Variants in RLIM observed in about 807,000 individuals in gnomAD.
RLIM encodes the protein ring finger protein, LIM domain interacting, also known as E3 ubiquitin-protein ligase RLIM.
RLIM carries 2 observed loss-of-function variants against 34.0 expected under a neutral mutation model. The ratio of observed to expected loss-of-function variants is 0.06; its 90% CI spans 0.02 to 0.19. The LOEUF is 0.19. Among genes scored for constraint, RLIM ranks in the 10% least tolerant of loss-of-function variants. The pLI, the probability that RLIM is intolerant of heterozygous loss-of-function variation, is 1.00. For synonymous variants in RLIM, 169 were observed against 164.0 expected (o/e 1.03, Z -0.23); for missense variants, 286 against 479.7 (o/e 0.60, Z 3.77).
chrX:74,592,728 G>T lies in RLIM; in HGVS notation c.587C>A (p.Thr196Asn). 8.3e-7 allele frequency: 1 copy of T among 1,211,739 alleles called. No individual in the cohort carries two copies. Among genetic ancestry groups the T allele is most frequent in the Non-Finnish European group, 1.1e-6 (1 of 895,552 alleles). The change falls in exon 4 of 4, where the codon ACT (threonine) becomes AAT (asparagine). Residue 196 changes from threonine to asparagine, a missense_variant. Physicochemically the swap from Thr to Asn is moderately conservative, Grantham distance 65. Around this residue, in one of 6 missense-constraint regions of RLIM, gnomAD observed 121 missense variants for 182.4 expected, o/e 0.66. Coordinates refer to ENST00000332687, the MANE Select transcript of RLIM (RefSeq NM_016120.4). ...ARPSRSERNS[T>N]EALTEVPPTR... ...AGGTGGGACCTCTGTTAACGCTTCAGTTGAATTTCGTTCTGATCTAGATGG... is the reference window on the plus strand; with the variant it reads ...AGGTGGGACCTCTGTTAACGCTTCATTTGAATTTCGTTCTGATCTAGATGG...
chrX:74,614,123 T>A (rs2079725631), intron 1 of RLIM, among the ~76,000 whole-genome samples: 1 of 109,236 alleles, frequency 9.2e-6, no homozygotes, highest in African/African-American at 3.3e-5. Flanking sequence ...AAAAACTGCC[T>A]CCCCCGATTT....
At position 74,587,216 on chromosome X, in the gene RLIM, C is replaced by G. The variant is rs1476194434; in HGVS notation, c.*4224G>C. The G allele has an allele frequency of 8.9e-6, 1 of 111,960 alleles. No individual in the cohort carries two copies. Among genetic ancestry groups the G allele is most frequent in the African/African-American group, 3.2e-5 (1 of 30,848 alleles). The allele number at this position is 111,960 out of a possible 1,213,427, so 9.2% of individuals were successfully genotyped here. On this transcript the variant is annotated 3_prime_UTR_variant, in exon 4 of 4. Transcript: ENST00000332687. ...TGTTTTTTCAAAAGCACACAATTTA[C>G]TAGTTAACTCAATGAATTACAATAC...
Position 74,590,113 on chromosome X carries a change from AC to A in RLIM, c.*1326del. ...GTACCTTAAATGACAAATCTCAAAA[AC>A]AACACAAATTCGAGACTTTCCTATT... On this transcript the variant is annotated 3_prime_UTR_variant, in exon 4 of 4. Transcript: ENST00000332687. The A allele has an allele frequency of 8.9e-6, 1 of 112,255 alleles. No homozygotes were observed. Among genetic ancestry groups the A allele is most frequent in the African/African-American group, 3.2e-5 (1 of 30,973 alleles). The allele number at this position is 112,255 out of a possible 1,213,427, so 9.3% of individuals were successfully genotyped here. A position where few individuals can be genotyped will look rare whatever the true frequency, so the allele number is the denominator to read the frequency against.
chrX:74,610,641 C>A lies in RLIM; in HGVS notation c.-24+3781G>T, dbSNP rs768338483. Among the ~76,000 whole-genome samples the A allele has an allele frequency of 6.4e-4, 71 of 110,350 alleles. 1 individual carries two copies. The highest frequency in any genetic ancestry group is 2.3e-3 in the African/African-American group (71 of 30,324). On this transcript the variant is annotated intron_variant, in intron 1 of 3. Transcript: ENST00000332687. ...TCGCGGTGGCTCACGTCTGTAATCC[C>A]AGCACTTTGGGAGGCCAAGGTGGGC... is the stretch of plus-strand genomic sequence containing the variant.
intron 1 of RLIM, among the ~76,000 whole-genome samples, chrX:74,611,905 T>C (rs1024905978): frequency 6.9e-4 from 77 of 112,262 alleles, no homozygotes; most frequent in African/African-American, 2.4e-3. Context: ...ATAAAGCACA[T>C]GGCCTAGCAC....
At chrX:74,600,850 T>TAACA in intron 1 of RLIM, among the ~76,000 whole-genome samples, 1 of 71,207 alleles carries the variant, frequency 1.4e-5, no homozygotes. Context: ...CATCTCTACT[T>TAACA]AAAAAAAAAA....
In RLIM at chrX:74,613,479, A is replaced by G. The variant is rs183062190; in HGVS notation, c.-24+943T>C. ...TGGAATAAGTATGGTGAAACTGTCTAGGGAAGGAACGTGGCTGTCTCCTCC... is the reference window on the plus strand; with the variant it reads ...TGGAATAAGTATGGTGAAACTGTCTGGGGAAGGAACGTGGCTGTCTCCTCC... On this transcript the variant is annotated intron_variant, in intron 1 of 3. Coordinates refer to ENST00000332687, the MANE Select transcript of RLIM (RefSeq NM_016120.4). 6.1e-3 allele frequency among the ~76,000 whole-genome samples: 674 copies of G among 110,681 alleles called. 3 individuals are homozygous for G. Among genetic ancestry groups the G allele is most frequent in the Non-Finnish European group, 9.9e-3 (525 of 52,932 alleles).
In RLIM at chrX:74,594,388, A is replaced by G. The variant is rs1304968415; in HGVS notation, c.171T>C (p.Gly57=). The change falls in exon 3 of 4, where the codon GGT becomes GGC. Residue 57 remains glycine, a splice_region_variant and synonymous_variant. Transcript: ENST00000332687. ...MRDNNLLGTP[G]ESTEEELLRR... is the part of the protein sequence containing the mutation. ...TCAGCAACTCTTCCTCAGTACTTTC[A>G]CCTGAAATTTAACACCACAGGGCAA... 1.7e-6 allele frequency: 2 copies of G among 1,193,028 alleles called. No homozygotes were observed. The highest frequency in any genetic ancestry group is 2.3e-5 in the Admixed American group (1 of 44,290).
rs2079610224 is a variant in RLIM at position 74,591,008 on chromosome X, A to T, written c.*432T>A. On this transcript the variant is annotated 3_prime_UTR_variant, in exon 4 of 4. Transcript: ENST00000332687. ...AATTTGTGTTAACTAATAACTGGGAATGATATAGCTTTAATCACTTATGAA... is the reference window on the plus strand; with the variant it reads ...AATTTGTGTTAACTAATAACTGGGATTGATATAGCTTTAATCACTTATGAA... 1 of 128,530 alleles carries T rather than the reference A, an allele frequency of 7.8e-6. No individual in the cohort carries two copies. Among genetic ancestry groups the T allele is most frequent in the Non-Finnish European group, 1.6e-5 (1 of 61,900 alleles). 10.6% of individuals were successfully genotyped at this position (128,530 alleles called of 1,213,427 possible).
chrX:74,606,126 T>C (rs1473332596), intron 1 of RLIM, among the ~76,000 whole-genome samples: 1 of 112,542 alleles, frequency 8.9e-6, no homozygotes, highest in Non-Finnish European at 1.9e-5. Flanking sequence ...CAAAACACCT[T>C]TTGTAAGCAG....
intron 1 of RLIM, among the ~76,000 whole-genome samples, chrX:74,598,453 C>T (rs2079648233): frequency 9.1e-6 from 1 of 110,216 alleles, no homozygotes; most frequent in African/African-American, 3.3e-5. Flanking sequence ...CATAGTGAGA[C>T]CCCATCTTCA....
At chrX:74,604,488 A>G (rs990625684) in intron 1 of RLIM, among the ~76,000 whole-genome samples, 1 of 111,653 alleles carries the variant, frequency 9.0e-6, no homozygotes, top group African/African-American at 3.3e-5. Context: ...TGTCCCCAAT[A>G]TATTTTTCAT....
intron 1 of RLIM, among the ~76,000 whole-genome samples, chrX:74,614,023 G>A (rs774958959): frequency 9.1e-6 from 1 of 109,769 alleles, no homozygotes; most frequent in East Asian, 2.9e-4. Context: ...GCCCGCCATG[G>A]AAAACGCGGG....
At chrX:74,611,318 A>T (rs2147384154) in intron 1 of RLIM, among the ~76,000 whole-genome samples, 1 of 112,370 alleles carries the variant, frequency 8.9e-6, no homozygotes, top group South Asian at 3.6e-4. Context: ...TACATATAAT[A>T]TAATTCCATA....
chrX:74,605,488 CAGTG>C lies in RLIM; in HGVS notation c.-24+8930_-24+8933del, dbSNP rs2079678759. Among the ~76,000 whole-genome samples the C allele has an allele frequency of 3.6e-5, 4 of 111,999 alleles. No homozygotes were observed. In the South Asian group the frequency reaches 1.5e-3, roughly 42 times the overall value. On this transcript the variant is annotated intron_variant, in intron 1 of 3. Coordinates refer to ENST00000332687, the MANE Select transcript of RLIM (RefSeq NM_016120.4). ...AAACAGGTCTCCAGATTCTACTTTGCAGTGAGTAACATTGTGGTACATTTCTAGC... is the reference window on the plus strand; with the variant it reads ...AAACAGGTCTCCAGATTCTACTTTGCAGTAACATTGTGGTACATTTCTAGC...
At chrX:74,610,346 G>A (rs1489417573) in intron 1 of RLIM, among the ~76,000 whole-genome samples, 1 of 110,275 alleles carries the variant, frequency 9.1e-6, no homozygotes, top group Non-Finnish European at 1.9e-5. Flanking sequence ...GAACCCAGGA[G>A]GCGGAGGTTG....
In RLIM at chrX:74,583,641, T is replaced by C; in HGVS notation, c.*7799A>G. 1 of 421,627 alleles carries C rather than the reference T, an allele frequency of 2.4e-6. No homozygotes were observed. The highest frequency in any genetic ancestry group is 4.0e-5 in the East Asian group (1 of 25,101). The allele number at this position is 421,627 out of a possible 1,213,427, so 34.7% of individuals were successfully genotyped here. On this transcript the variant is annotated 3_prime_UTR_variant, in exon 4 of 4. Transcript: ENST00000332687. ...GGCTGATTACAAGGTACACTTAAACTGCTAAAATGATAGTTCATGTTATTC... is the reference window on the plus strand; with the variant it reads ...GGCTGATTACAAGGTACACTTAAACCGCTAAAATGATAGTTCATGTTATTC...
chrX:74,611,389 C>A (rs2079710235), intron 1 of RLIM, among the ~76,000 whole-genome samples: 2 of 112,005 alleles, frequency 1.8e-5, no homozygotes, highest in Non-Finnish European at 3.8e-5. Flanking sequence ...TCACTAACCT[C>A]AAAGATATCC....
At chrX:74,606,676 C>G (rs991656739) in intron 1 of RLIM, among the ~76,000 whole-genome samples, 6 of 111,965 alleles carry the variant, frequency 5.4e-5, no homozygotes, top group Non-Finnish European at 1.1e-4. Context: ...AGTATAAACA[C>G]AGGCATGTTA....
Sources: gnomAD v4.1 joint callset for allele counts (sites outside exome capture counted in the v4.1 genomes callset) on GRCh38, gnomAD v4.1.1 for gene constraint, gnomAD v4.1.1 regional missense constraint, MANE v1.5 for transcripts, NCBI Gene and HGNC (gene_info 2026-07-23, HGNC 2026-07-21) for gene names.